Variants in NCAPD3 observed in about 807,000 individuals in gnomAD.
NCAPD3 encodes condensin-2 complex subunit D3.
A neutral mutation model predicts 182.9 loss-of-function variants in NCAPD3; 105 were observed. The ratio of observed to expected loss-of-function variants is 0.57; its 90% CI spans 0.49 to 0.68. The LOEUF (loss-of-function observed/expected upper bound fraction) is 0.68. NCAPD3 is among the 30% of genes least tolerant of loss of function. NCAPD3 has a pLI of 0.00. For missense variants in NCAPD3, 1,944 were observed against 1,837.0 expected, an observed-to-expected ratio of 1.06 and a Z score of -1.07; for synonymous variants, 815 against 679.9, an observed-to-expected ratio of 1.20 and a Z score of -3.09.
chr11:134,211,298 T>G (rs1447213637), intron 3 of NCAPD3, among the ~76,000 whole-genome samples: 1 of 152,124 alleles, frequency 6.6e-6, no homozygotes, highest in Non-Finnish European at 1.5e-5. Flanking sequence ...CAAAACATAC[T>G]TCAATAGTAT....
intron 32 of NCAPD3, chr11:134,153,600 C>T (rs1373782625): frequency 3.0e-5 from 17 of 567,302 alleles, no homozygotes; most frequent in South Asian, 2.2e-4. Flanking sequence ...TCGGCTGGCC[C>T]CTGGGCCTCA....
In NCAPD3 at chr11:134,204,887, G is replaced by A. The variant is rs532947410; in HGVS notation, c.1089+12C>T. 7 of 1,595,106 alleles carry A rather than the reference G, an allele frequency of 4.4e-6. No individual in the cohort carries two copies. The South Asian group carries it at 6.6e-5, about 15-fold the overall frequency. On this transcript the variant is annotated intron_variant, in intron 9 of 34. Transcript: ENST00000534548. This position sits in a 1 kb window ranked among gnomAD's most constrained non-coding sequence, Gnocchi z 4.3. ...ACTTCCATGTTATTAATATTACTAAGGCAAACAGTACCTTGGCACAGATGT... is the reference window on the plus strand; with the variant it reads ...ACTTCCATGTTATTAATATTACTAAAGCAAACAGTACCTTGGCACAGATGT...
Position 134,216,926 on chromosome 11 carries a change from G to A in NCAPD3, c.382+10C>T, listed in dbSNP as rs1938048414. The A allele has an allele frequency of 6.2e-7, 1 of 1,600,684 alleles. No homozygotes were observed. The highest frequency in any genetic ancestry group is 1.3e-5 in the African/African-American group (1 of 74,268). The stretch of plus-strand genomic sequence containing the variant: ...CAGAAGATTTATCCTATCATATCAG[G>A]TCTACATACCTGGTACTTCTAGTAG... On this transcript the variant is annotated intron_variant, in intron 3 of 34. Transcript: ENST00000534548.
At chr11:134,222,811 A>G (rs1375861484) in intron 1 of NCAPD3, among the ~76,000 whole-genome samples, 1 of 152,254 alleles carries the variant, frequency 6.6e-6, no homozygotes, top group Non-Finnish European at 1.5e-5. Flanking sequence ...GAAAGAAATT[A>G]AAGTGTTTCT....
rs1032934049 is a variant in NCAPD3 at position 134,151,800 on chromosome 11, T to C, written c.*1144A>G. On this transcript the variant is annotated 3_prime_UTR_variant, in exon 35 of 35. Transcript: ENST00000534548. ...TTTGCTCTTACGTTGGGTTTGTCTC[T>C]TCTTCCTAGCATTTCAGTGGTTAGG... is the stretch of plus-strand genomic sequence containing the variant. The C allele has an allele frequency of 6.6e-6, 1 of 152,230 alleles. No individual in the cohort carries two copies. Among genetic ancestry groups the C allele is most frequent in the African/African-American group, 2.4e-5 (1 of 41,456 alleles). 9.4% of individuals were successfully genotyped at this position (152,230 alleles called of 1,614,324 possible). A position where few individuals can be genotyped will look rare whatever the true frequency, so the allele number is the denominator to read the frequency against.
chr11:134,185,217 G>T, intron 17 of NCAPD3, 118 bp downstream of exon 17: 2 of 1,005,220 alleles, frequency 2.0e-6, no homozygotes, highest in Non-Finnish European at 2.9e-6. Context: ...TTTATACCAG[G>T]TTTTAAACAG....
At chr11:134,223,509 G>A (rs1478039651) in intron 1 of NCAPD3, 4 of 701,740 alleles carry the variant, frequency 5.7e-6, no homozygotes, top group African/African-American at 3.5e-5. Context: ...CAAGAAATAA[G>A]TCTGGCGGAA....
At chr11:134,164,637 G>A (rs950017977) in intron 27 of NCAPD3, among the ~76,000 whole-genome samples, 5 of 151,340 alleles carry the variant, frequency 3.3e-5, no homozygotes, top group Non-Finnish European at 7.4e-5. Context: ...GAGCTTGAGG[G>A]AGCCGCATAA....
intron 19 of NCAPD3, chr11:134,183,122 C>T (rs759224927): frequency 2.0e-5 from 9 of 456,160 alleles, no homozygotes; most frequent in South Asian, 3.1e-5. Context: ...CCTGACTGCG[C>T]GCTGTACACA....
At chr11:134,168,877 AC>A (rs1272098074) in intron 25 of NCAPD3, 39 bp downstream of exon 25, 1 of 1,593,408 alleles carries the variant, frequency 6.3e-7, no homozygotes, top group Non-Finnish European at 8.6e-7. Flanking sequence ...CCCAGCTCTT[AC>A]CCAGATACAA....
intron 27 of NCAPD3, among the ~76,000 whole-genome samples, chr11:134,163,243 A>C (rs1173010041): frequency 6.6e-6 from 1 of 152,204 alleles, no homozygotes; most frequent in Non-Finnish European, 1.5e-5. Context: ...AAATTTACCC[A>C]TTTTAAACAA....
rs1375810611 is a variant in NCAPD3, at chr11:134,210,405, A to C, written c.432T>G (p.Ile144Met). ...VFHPVMFDKC[I>M]QTLKKSWPQE... is the part of the protein sequence containing the mutation. Reference sequence around the variant, plus strand: ...GGGGCCAGCTCTTCTTTAGAGTCTGAATGCATTTGTCAAACATCACTGGGT... The same window carrying C: ...GGGGCCAGCTCTTCTTTAGAGTCTGCATGCATTTGTCAAACATCACTGGGT... The change falls in exon 4 of 35, where the codon ATT becomes ATG. Residue 144 changes from isoleucine (I) to methionine (M), a missense_variant. Ile to Met is a conservative substitution (Grantham distance 10, BLOSUM62 1). Transcript: ENST00000534548. 6.2e-7 allele frequency: 1 copy of C among 1,614,172 alleles called. No homozygotes were observed. The highest frequency in any genetic ancestry group is 1.7e-5 in the Admixed American group (1 of 60,024).
chr11:134,161,726 C>A lies in NCAPD3; in HGVS notation c.3684+55G>T, dbSNP rs543291597. On this transcript the variant is annotated intron_variant, in intron 28 of 34. Transcript: ENST00000534548. ...TGCACTGTCATAACTGGCAGAAGAT[C>A]CTAAGTAATGAACTGGTAGGACAAC... 5.7e-6 allele frequency: 6 copies of A among 1,058,798 alleles called. No individual in the cohort carries two copies. The East Asian group carries it at 1.2e-4, about 21-fold the overall frequency. 65.6% of individuals were successfully genotyped at this position (1,058,798 alleles called of 1,614,324 possible). A position where few individuals can be genotyped will look rare whatever the true frequency, so the allele number is the denominator to read the frequency against.
At chr11:134,172,128 T>G (rs1250784788) in intron 24 of NCAPD3, among the ~76,000 whole-genome samples, 2 of 152,046 alleles carry the variant, frequency 1.3e-5, no homozygotes, top group African/African-American at 4.8e-5. Context: ...CTGGCTGCTG[T>G]TAAGACGCCT....
At chr11:134,187,414 T>A (rs893744101) in intron 16 of NCAPD3, among the ~76,000 whole-genome samples, 12 of 152,196 alleles carry the variant, frequency 7.9e-5, no homozygotes, top group African/African-American at 2.9e-4. Context: ...TGACAAAGCA[T>A]TCAAGTTGAA....
chr11:134,161,705 C>G (rs1008057366), intron 28 of NCAPD3, 76 bp downstream of exon 28: 1 of 863,664 alleles, frequency 1.2e-6, no homozygotes, highest in Admixed American at 2.5e-5. Context: ...ATTGCCTGCA[C>G]TGTCATAACT....
Position 134,161,873 on chromosome 11 carries a change from T to A in NCAPD3, c.3592A>T (p.Ile1198Leu), listed in dbSNP as rs770093886. 6 of 1,555,418 alleles carry A rather than the reference T, an allele frequency of 3.9e-6. No individual in the cohort carries two copies. Among genetic ancestry groups the A allele is most frequent in the Non-Finnish European group, 5.3e-6 (6 of 1,136,730 alleles). The change falls in exon 28 of 35, where the codon ATA becomes TTA. Residue 1198 changes from isoleucine (I) to leucine (L), a missense_variant. Coordinates refer to ENST00000534548, the MANE Select transcript of NCAPD3 (RefSeq NM_015261.3). ...LISQVQKRNF[I>L]ENIIPIIISL... ...ATGATAATTGGAATAATATTTTCTA[T>A]GAAATTCCTCTTCTGAACCTGGTAA...
chr11:134,173,055 C>A, intron 24 of NCAPD3: 1 of 152,898 alleles, frequency 6.5e-6, no homozygotes, highest in South Asian at 1.8e-4. Flanking sequence ...GGCAGAGCCT[C>A]ATTCTACAGA....
chr11:134,159,657 T>C (rs1470557313), intron 29 of NCAPD3, among the ~76,000 whole-genome samples: 2 of 152,216 alleles, frequency 1.3e-5, no homozygotes, highest in African/African-American at 4.8e-5. Context: ...CACCAGCTAC[T>C]GCTGCTGCCA....
Sources: allele counts gnomAD v4.1 joint callset (sites outside exome capture counted in the v4.1 genomes callset), GRCh38; gene constraint gnomAD v4.1.1; non-coding constraint Gnocchi (gnomAD v3.1); transcripts MANE v1.5; gene names NCBI Gene and HGNC (gene_info 2026-07-23, HGNC 2026-07-21).